Variants in NFIB observed in about 807,000 individuals in gnomAD.
NFIB encodes nuclear factor I B.
In NFIB, 11 loss-of-function variants were observed where a neutral mutation model predicts 61.5. That is an observed-to-expected ratio of 0.18 (90% CI 0.11 to 0.30). The LOEUF is 0.30. Ranked by LOEUF, NFIB falls within the 10% of genes least tolerant of loss-of-function variation. NFIB has a pLI of 1.00. For missense variants in NFIB, 471 were observed against 608.9 expected (o/e 0.77, Z 2.38); for synonymous variants, 260 against 216.5 (o/e 1.20, Z -1.76).
At chr9:14,416,628 C>T in the NFIB span, among the ~76,000 whole-genome samples, 10 of 151,846 alleles carry the variant, frequency 6.6e-5, no homozygotes, top group Admixed American at 1.3e-4. Context: ...TATTACTAAA[C>T]GGTTAACAAG....
At chr9:14,305,899 C>T in intron 2 of NFIB, 1 of 1,033,934 alleles carries the variant, frequency 9.7e-7, no homozygotes, top group Non-Finnish European at 1.3e-6. Flanking sequence ...TCTGTGACAG[C>T]TCAAACTTCA....
At chr9:14,459,223 A>G in the NFIB span, among the ~76,000 whole-genome samples, 1 of 152,196 alleles carries the variant, frequency 6.6e-6, no homozygotes. Context: ...CATATCTACA[A>G]CTATCTGATC....
At chr9:14,116,043 C>T in intron 9 of NFIB, 165 bp downstream of exon 9, 1 of 755,284 alleles carries the variant, frequency 1.3e-6, no homozygotes, top group Non-Finnish European at 1.9e-6. Flanking sequence ...AGGGCCACAT[C>T]CATGCCTGCT....
At chr9:14,102,288 G>A in intron 10 of NFIB, 1 of 690,580 alleles carries the variant, frequency 1.4e-6, no homozygotes, top group South Asian at 2.1e-5. Context: ...GAGGAGGACA[G>A]GGAAAGAAGA....
the NFIB span, among the ~76,000 whole-genome samples, chr9:14,436,558 C>A: frequency 6.6e-6 from 1 of 152,208 alleles, no homozygotes; most frequent in Non-Finnish European, 1.5e-5. Flanking sequence ...TTCTCCTGCA[C>A]ATTCACTGTC....
intron 1 of NFIB, among the ~76,000 whole-genome samples, chr9:14,395,515 T>G (rs2061674049): frequency 1.3e-5 from 2 of 151,866 alleles, no homozygotes; most frequent in Non-Finnish European, 2.9e-5. Flanking sequence ...GCCACATGTT[T>G]TTCTCGTGAG....
At chr9:14,255,425 T>A (rs910764545) in intron 2 of NFIB, among the ~76,000 whole-genome samples, 3 of 152,232 alleles carry the variant, frequency 2.0e-5, no homozygotes, top group African/African-American at 7.2e-5. Context: ...ACTGTGAGCA[T>A]CTGACTTTAC....
chr9:14,366,469 C>A (rs2061301216), intron 1 of NFIB, among the ~76,000 whole-genome samples: 1 of 152,016 alleles, frequency 6.6e-6, no homozygotes, highest in Non-Finnish European at 1.5e-5. Flanking sequence ...CTTCTGACCA[C>A]AGATTTTAAT....
the NFIB span, among the ~76,000 whole-genome samples, chr9:14,509,743 T>C: frequency 1.3e-5 from 2 of 152,148 alleles, no homozygotes; most frequent in African/African-American, 4.8e-5. Flanking sequence ...AAAGATAGAA[T>C]AGGGTCAGAA....
At chr9:14,376,114 G>T (rs760668996) in intron 1 of NFIB, among the ~76,000 whole-genome samples, 1 of 152,276 alleles carries the variant, frequency 6.6e-6, no homozygotes, top group Non-Finnish European at 1.5e-5. Context: ...CAGTGGCTAT[G>T]CACAGGCATG....
chr9:14,519,173 A>C, the NFIB span, among the ~76,000 whole-genome samples: 2 of 152,140 alleles, frequency 1.3e-5, no homozygotes, highest in African/African-American at 4.8e-5. Context: ...AAGCACTAAC[A>C]ATGGGCTAAG....
At chr9:14,529,398 C>A in the NFIB span, among the ~76,000 whole-genome samples, 1 of 152,020 alleles carries the variant, frequency 6.6e-6, no homozygotes, top group Non-Finnish European at 1.5e-5. Flanking sequence ...GACACAATAT[C>A]CTTTCTTACA....
At chr9:14,196,772 A>C (rs904837965) in intron 2 of NFIB, among the ~76,000 whole-genome samples, 1 of 152,110 alleles carries the variant, frequency 6.6e-6, no homozygotes, top group Non-Finnish European at 1.5e-5. Context: ...TTAAAAAGAA[A>C]AATCAGACTA....
the NFIB span, among the ~76,000 whole-genome samples, chr9:14,470,902 T>C: frequency 6.6e-6 from 1 of 152,178 alleles, no homozygotes; most frequent in African/African-American, 2.4e-5. Context: ...ATGGAGAAGA[T>C]GAACTCTAAA....
chr9:14,165,509 T>G (rs975263736), intron 3 of NFIB, among the ~76,000 whole-genome samples: 1 of 152,124 alleles, frequency 6.6e-6, no homozygotes, highest in Non-Finnish European at 1.5e-5. Flanking sequence ...ATCATTACGA[T>G]AGAGGAAAAA....
chr9:14,521,666 A>C, the NFIB span, among the ~76,000 whole-genome samples: 1 of 152,210 alleles, frequency 6.6e-6, no homozygotes, highest in Non-Finnish European at 1.5e-5. Flanking sequence ...CAATTTGTTC[A>C]GTTAATGGAA....
At chr9:14,503,162 A>G in the NFIB span, among the ~76,000 whole-genome samples, 4 of 150,934 alleles carry the variant, frequency 2.7e-5, no homozygotes, top group African/African-American at 9.7e-5. Flanking sequence ...TAATATATAT[A>G]TATATCATTT....
chr9:14,184,841 T>C (rs1018471981), intron 2 of NFIB, among the ~76,000 whole-genome samples: 1 of 152,092 alleles, frequency 6.6e-6, no homozygotes, highest in African/African-American at 2.4e-5. Context: ...GCCAACGTGG[T>C]GAAACCCCGT....
At chr9:14,475,217 A>T in the NFIB span, among the ~76,000 whole-genome samples, 3 of 152,266 alleles carry the variant, frequency 2.0e-5, no homozygotes, top group Non-Finnish European at 2.9e-5. Context: ...TCTGAGGCAT[A>T]GCGTGCTAAG....
Sources: gnomAD v4.1 joint callset for allele counts (sites outside exome capture counted in the v4.1 genomes callset) on GRCh38, gnomAD v4.1.1 for gene constraint, MANE v1.5 for transcripts, NCBI Gene and HGNC (gene_info 2026-07-23, HGNC 2026-07-21) for gene names.